Variants in MITF observed in about 807,000 individuals in gnomAD.
MITF encodes microphthalmia-associated transcription factor.
Under a neutral mutation model 60.5 loss-of-function variants are expected in MITF, and 17 were observed. That is an observed-to-expected ratio of 0.28 (90% CI 0.19 to 0.42). MITF has a LOEUF of 0.42. Ranked by LOEUF, MITF falls within the 10% of genes least tolerant of loss-of-function variation. The probability of loss-of-function intolerance (pLI) is 1.00; values close to 1 mark genes in which losing one functional copy is unlikely to be tolerated. For synonymous variants in MITF, 260 were observed against 248.5 expected, an observed-to-expected ratio of 1.05 and a Z score of -0.43; for missense variants, 622 against 683.5, an observed-to-expected ratio of 0.91 and a Z score of 1.00.
intron 1 of MITF, among the ~76,000 whole-genome samples, chr3:69,808,436 G>A (rs897844510): frequency 1.3e-5 from 2 of 152,066 alleles, no homozygotes; most frequent in Non-Finnish European, 2.9e-5. Flanking sequence ...TGCAGGCAAC[G>A]GGGGAGACAT....
chr3:69,937,365 G>GGTGT (rs56689910), intron 2 of MITF, among the ~76,000 whole-genome samples: 11,941 of 142,072 alleles, frequency 0.084, 473 homozygotes, highest in South Asian at 0.13. Context: ...TTCTTAAGGA[G>GGTGT]GTGTGTGTGT....
chr3:69,855,642 T>G (rs2063905463), intron 1 of MITF, among the ~76,000 whole-genome samples: 1 of 152,144 alleles, frequency 6.6e-6, no homozygotes, highest in East Asian at 1.9e-4. Flanking sequence ...TATGAAGTAC[T>G]ATATAGCTAA....
At chr3:69,780,709 G>A (rs1452042486) in intron 1 of MITF, among the ~76,000 whole-genome samples, 1 of 152,104 alleles carries the variant, frequency 6.6e-6, no homozygotes, top group African/African-American at 2.4e-5. Flanking sequence ...TTTCTAGCAG[G>A]GTAACCAGAC....
chr3:69,953,468 G>T (rs1202182134), intron 7 of MITF, among the ~76,000 whole-genome samples: 1 of 151,902 alleles, frequency 6.6e-6, no homozygotes, highest in Non-Finnish European at 1.5e-5. Flanking sequence ...TTGCCCCTTG[G>T]TCAAGCTGTT....
In MITF at chr3:69,912,294, G is replaced by A. The variant is rs571804890; in HGVS notation, c.355-25528G>A. ...GGGGAGGGAGAGCAGGGAACTTATGGGGCTTATTGTTGTCTTCAATATTTA... is the reference window on the plus strand; with the variant it reads ...GGGGAGGGAGAGCAGGGAACTTATGAGGCTTATTGTTGTCTTCAATATTTA... On this transcript the variant is annotated intron_variant, in intron 2 of 9. Coordinates refer to ENST00000352241, the MANE Select transcript of MITF (RefSeq NM_001354604.2). 5.9e-5 allele frequency among the ~76,000 whole-genome samples: 9 copies of A among 152,212 alleles called. No homozygotes were observed. The South Asian group carries it at 1.9e-3, about 32-fold the overall frequency.
chr3:69,786,546 G>A (rs1467437050), intron 1 of MITF, among the ~76,000 whole-genome samples: 1 of 152,080 alleles, frequency 6.6e-6, no homozygotes, highest in Admixed American at 6.5e-5. Flanking sequence ...GAAAGGAAAT[G>A]CATCTAAAAA....
chr3:69,961,013 G>A (rs1364732219), intron 9 of MITF, among the ~76,000 whole-genome samples: 3 of 152,176 alleles, frequency 2.0e-5, no homozygotes, highest in Non-Finnish European at 2.9e-5. Flanking sequence ...TTTGGCTTTT[G>A]TTGTTGGTTT....
chr3:69,954,756 T>C (rs770480346), intron 7 of MITF, among the ~76,000 whole-genome samples: 19 of 152,234 alleles, frequency 1.2e-4, no homozygotes, highest in Non-Finnish European at 2.5e-4. Context: ...AGGGTTTCTA[T>C]TTTATACAAG....
In MITF at chr3:69,967,701, T is replaced by C. The variant is rs12638348; in HGVS notation, c.*2453T>C. On this transcript the variant is annotated 3_prime_UTR_variant, in exon 10 of 10. Coordinates refer to ENST00000352241, the MANE Select transcript of MITF (RefSeq NM_001354604.2). The stretch of plus-strand genomic sequence containing the variant: ...CAAGCCCAGGAGAATGCTGCAATCT[T>C]GGGGGTGGTTTTATTTATTTCTTTT... 36 of 233,046 alleles carry C rather than the reference T, an allele frequency of 1.5e-4. No individual in the cohort carries two copies. In the East Asian group the frequency reaches 1.8e-3, roughly 11 times the overall value. 14.4% of individuals were successfully genotyped at this position (233,046 alleles called of 1,614,324 possible).
Position 69,968,229 on chromosome 3 carries a change from T to C in MITF, c.*2981T>C. 1 of 232,758 alleles carries C rather than the reference T, an allele frequency of 4.3e-6. No homozygotes were observed. The highest frequency in any genetic ancestry group is 8.5e-6 in the Non-Finnish European group (1 of 117,464). 14.4% of individuals were successfully genotyped at this position (232,758 alleles called of 1,614,324 possible). On this transcript the variant is annotated 3_prime_UTR_variant, in exon 10 of 10. Coordinates refer to ENST00000352241, the MANE Select transcript of MITF (RefSeq NM_001354604.2). The stretch of plus-strand genomic sequence containing the variant: ...CACCTGCTGTTGGATGCAGCAATAA[T>C]TTCTGTATGGTCCATAGCACTGTAT...
chr3:69,895,480 A>C (rs746758385), intron 2 of MITF, among the ~76,000 whole-genome samples: 1 of 152,222 alleles, frequency 6.6e-6, no homozygotes, highest in Non-Finnish European at 1.5e-5. Context: ...GAGGTTGTCA[A>C]CTAAACTGCC....
chr3:69,877,842 A>C (rs2064390047), intron 1 of MITF, among the ~76,000 whole-genome samples: 1 of 152,210 alleles, frequency 6.6e-6, no homozygotes, highest in Non-Finnish European at 1.5e-5. Context: ...TTTATATTCA[A>C]GGAAGGAAGT....
At chr3:69,876,910 T>A (rs2064366764) in intron 1 of MITF, among the ~76,000 whole-genome samples, 1 of 152,230 alleles carries the variant, frequency 6.6e-6, no homozygotes, top group African/African-American at 2.4e-5. Flanking sequence ...GAAAAAATAC[T>A]ATGACTTCTT....
chr3:69,903,571 C>T (rs1468276615), intron 2 of MITF, among the ~76,000 whole-genome samples: 1 of 152,088 alleles, frequency 6.6e-6, no homozygotes, highest in Non-Finnish European at 1.5e-5. Flanking sequence ...TCTCTAAGGG[C>T]AGCTAATTTC....
At chr3:69,881,126 A>G (rs574600107) in intron 2 of MITF, among the ~76,000 whole-genome samples, 6 of 152,230 alleles carry the variant, frequency 3.9e-5, no homozygotes, top group African/African-American at 1.4e-4. Flanking sequence ...ATAACATACC[A>G]ATATTTTTAT....
intron 1 of MITF, among the ~76,000 whole-genome samples, chr3:69,777,178 TA>T (rs886379321): frequency 1.3e-5 from 2 of 151,656 alleles, no homozygotes; most frequent in South Asian, 2.1e-4. Flanking sequence ...ATTTCCAAAA[TA>T]AAAAAAAATT....
At chr3:69,808,496 A>G (rs557496804) in intron 1 of MITF, among the ~76,000 whole-genome samples, 55 of 152,302 alleles carry the variant, frequency 3.6e-4, no homozygotes, top group Admixed American at 7.2e-4. Context: ...GCTGTAAAAA[A>G]ATGATAAAGT....
chr3:69,852,864 T>G (rs1297077794), intron 1 of MITF, among the ~76,000 whole-genome samples: 1 of 152,132 alleles, frequency 6.6e-6, no homozygotes, highest in East Asian at 1.9e-4. Context: ...TACGTAGTGT[T>G]TTTTTGATAG....
intron 2 of MITF, chr3:69,936,470 C>T: frequency 1.5e-6 from 1 of 659,456 alleles, no homozygotes. Context: ...AAATTGATAT[C>T]AACATTTAAG....
Sources: gnomAD v4.1 joint callset for allele counts (sites outside exome capture counted in the v4.1 genomes callset) on GRCh38, gnomAD v4.1.1 for gene constraint, MANE v1.5 for transcripts, NCBI Gene and HGNC (gene_info 2026-07-23, HGNC 2026-07-21) for gene names.